The following PDZD7 variants were observed in gnomAD, a reference collection of about 807,000 sequenced individuals.
PDZD7 encodes PDZ domain-containing protein 7.
In PDZD7, 72 loss-of-function variants were observed where a neutral mutation model predicts 84.7. The observed-to-expected ratio is 0.85, with a 90% CI of 0.70 to 1.03. The LOEUF is 1.03. Ranked by LOEUF, PDZD7 falls within the 50% of genes least tolerant of loss-of-function variation. The pLI, the probability that PDZD7 is intolerant of heterozygous loss-of-function variation, is 0.00. For synonymous variants in PDZD7, 594 were observed against 580.7 expected, an observed-to-expected ratio of 1.02 and a Z score of -0.33; for missense variants, 1,490 against 1,412.9, an observed-to-expected ratio of 1.05 and a Z score of -0.87.
rs1391363677 is a variant in PDZD7 at position 101,015,338 on chromosome 10, C to T, written c.1749+298G>A. 3.3e-5 allele frequency among the ~76,000 whole-genome samples: 5 copies of T among 152,336 alleles called. No individual in the cohort carries two copies. The East Asian group carries it at 9.7e-4, about 29-fold the overall frequency. ...TCCTCTAGGAGGGCCTCCCAGCCCACACCATCTAATGTGTGTCTCCTGGGT... is the reference window on the plus strand; with the variant it reads ...TCCTCTAGGAGGGCCTCCCAGCCCATACCATCTAATGTGTGTCTCCTGGGT... On this transcript the variant is annotated intron_variant, in intron 11 of 16. Coordinates refer to ENST00000619208, the MANE Select transcript of PDZD7 (RefSeq NM_001195263.2).
At chr10:101,023,854 G>A in intron 3 of PDZD7, 74 bp downstream of exon 3, 1 of 1,609,522 alleles carries the variant, frequency 6.2e-7, no homozygotes, top group Non-Finnish European at 8.5e-7. Context: ...GTCCCTGACA[G>A]CAGCATCCCC....
At chr10:101,017,371 A>C (rs1041990699) in intron 9 of PDZD7, 3 of 435,732 alleles carry the variant, frequency 6.9e-6, no homozygotes, top group Admixed American at 7.7e-5. Flanking sequence ...AGCTGAGCCA[A>C]GACGTGCTTT....
At position 101,022,382 on chromosome 10, in the gene PDZD7, C is replaced by T. The variant is rs1853167200; in HGVS notation, c.546G>A (p.Val182=). Residue 182 remains valine (V), a synonymous_variant, in exon 5 of 17, where the codon GTG becomes GTA. Coordinates refer to ENST00000619208, the MANE Select transcript of PDZD7 (RefSeq NM_001195263.2). ...IKFSKEKTTW[V]DVVNRRLVVE... is the part of the protein sequence containing the mutation. ...CTACCAGGCGCCGATTCACCACATCCACCCTGGACAACAGCAGGGGGCCCT... is the reference window on the plus strand; with the variant it reads ...CTACCAGGCGCCGATTCACCACATCTACCCTGGACAACAGCAGGGGGCCCT... The T allele has an allele frequency of 1.2e-6, 2 of 1,614,156 alleles. No individual in the cohort carries two copies. The highest frequency in any genetic ancestry group is 1.7e-6 in the Non-Finnish European group (2 of 1,180,034).
At chr10:101,011,265 T>TC in intron 14 of PDZD7, 1 of 394,546 alleles carries the variant, frequency 2.5e-6, no homozygotes, top group South Asian at 3.2e-5. Flanking sequence ...TGGTCTCTAC[T>TC]CCTCACCTCA....
At chr10:101,015,839 G>A in intron 10 of PDZD7, 28 bp from the exon 11 acceptor site, 3 of 1,534,496 alleles carry the variant, frequency 2.0e-6, no homozygotes, top group African/African-American at 2.7e-5. Flanking sequence ...TCAGGGGAGG[G>A]GAGAGGGGCT....
chr10:101,021,046 C>T (rs1297279085), intron 6 of PDZD7, among the ~76,000 whole-genome samples: 1 of 152,182 alleles, frequency 6.6e-6, no homozygotes, highest in Non-Finnish European at 1.5e-5. Flanking sequence ...GCCCCAGTAC[C>T]TGGCACAGTG....
chr10:101,022,322 G>C lies in PDZD7; in HGVS notation c.606C>G (p.Ser202Arg). Residue 202 changes from serine (S) to arginine (R), a missense_variant, in exon 5 of 17, where the codon AGC (serine) becomes AGG (arginine). By Grantham distance (110) the Ser-to-Arg change is moderately radical. Transcript: ENST00000619208. ...EKCGSTPSDT[S>R]SEDGVRRIVH... is the part of the protein sequence containing the mutation. ...CGATGCGCCGGACACCATCTTCTGA[G>C]CTGGTGTCGGAGGGTGTTGAACCGC... The C allele has an allele frequency of 6.2e-7, 1 of 1,614,236 alleles. No homozygotes were observed. Among genetic ancestry groups the C allele is most frequent in the South Asian group, 1.1e-5 (1 of 91,088 alleles).
Position 101,008,609 on chromosome 10 carries a change from G to A in PDZD7, c.2960C>T (p.Ala987Val), listed in dbSNP as rs1236883566. The A allele has an allele frequency of 2.0e-6, 3 of 1,536,146 alleles. No individual in the cohort carries two copies. Among genetic ancestry groups the A allele is most frequent in the Admixed American group, 3.9e-5 (2 of 50,984 alleles). The change falls in exon 17 of 17, where the codon GCC becomes GTC. Residue 987 changes from alanine (A) to valine (V), a missense_variant. Transcript: ENST00000619208. ...HQPLDAAPVP[A>V]HWLPEPPTNP... The stretch of plus-strand genomic sequence containing the variant: ...GGTGGGAGGTTCTGGGAGCCAGTGG[G>A]CAGGAACTGGAGCAGCATCAAGGGG...
intron 7 of PDZD7, 109 bp from the exon 8 acceptor site, chr10:101,019,326 C>A: frequency 1.4e-6 from 2 of 1,417,822 alleles, no homozygotes; most frequent in South Asian, 1.3e-5. Context: ...AGGCAGCAGC[C>A]AGGGTTAGAA....
chr10:101,008,313 G>A lies in PDZD7; in HGVS notation c.*154C>T, dbSNP rs1852284964. On this transcript the variant is annotated 3_prime_UTR_variant, in exon 17 of 17. Coordinates refer to ENST00000619208, the MANE Select transcript of PDZD7 (RefSeq NM_001195263.2). ...AGGCAGAGCCTTAATGACAGCTGAG[G>A]AGGGAAGAAAGTGGAAAGATGTGAG... The A allele has an allele frequency of 8.9e-5, 72 of 806,814 alleles. No individual in the cohort carries two copies. In the South Asian group the frequency reaches 1.3e-3, roughly 14 times the overall value. 50.0% of individuals were successfully genotyped at this position (806,814 alleles called of 1,614,324 possible).
intron 6 of PDZD7, among the ~76,000 whole-genome samples, chr10:101,020,948 G>A (rs1395643131): frequency 6.6e-6 from 1 of 152,136 alleles, no homozygotes. Flanking sequence ...AATTTCCTTA[G>A]AGCATTTGTC....
chr10:101,022,127 C>T, intron 5 of PDZD7, 82 bp downstream of exon 5: 1 of 1,593,470 alleles, frequency 6.3e-7, no homozygotes, highest in South Asian at 1.1e-5. Flanking sequence ...CACTTGCTGA[C>T]CATCCCCACA....
chr10:101,013,851 CTT>C (rs111945530), intron 11 of PDZD7, among the ~76,000 whole-genome samples: 17 of 134,624 alleles, frequency 1.3e-4, no homozygotes, highest in Non-Finnish European at 1.7e-4. Flanking sequence ...TCTTTTCTTT[CTT>C]TTTTTTTTTT....
rs568544289 is a variant in PDZD7, at chr10:101,010,962, T to C, written c.2006-79A>G. 6,926 of 1,529,244 alleles carry C rather than the reference T, an allele frequency of 4.5e-3. 22 individuals carry two copies. Among genetic ancestry groups the C allele is most frequent in the Non-Finnish European group, 5.4e-3 (6,229 of 1,143,592 alleles). The allele number at this position is 1,529,244 out of a possible 1,614,324, so 94.7% of individuals were successfully genotyped here. A position where few individuals can be genotyped will look rare whatever the true frequency, so the allele number is the denominator to read the frequency against. On this transcript the variant is annotated intron_variant, in intron 14 of 16. Coordinates refer to ENST00000619208, the MANE Select transcript of PDZD7 (RefSeq NM_001195263.2). ...GCCTTGCTTTGGTTTGTGTGGGGCC[T>C]GTGAGAGCCAGGCCCGAGTTTGTTC... is the stretch of plus-strand genomic sequence containing the variant.
In PDZD7 at chr10:101,017,786, C is replaced by CAA. The variant is rs370482213; in HGVS notation, c.1522+311_1522+312dup. 4,170 of 315,288 alleles carry CAA rather than the reference C, an allele frequency of 0.013. 10 individuals carry two copies. The highest frequency in any genetic ancestry group is 0.047 in the South Asian group (1,166 of 24,976). 19.5% of individuals were successfully genotyped at this position (315,288 alleles called of 1,614,324 possible). A position where few individuals can be genotyped will look rare whatever the true frequency, so the allele number is the denominator to read the frequency against. Reference sequence around the variant, plus strand: ...GGGCAACAAGAGCAAAACTCCATCTCAAAAAAAAAAAAGAAAGAAAAAGAA... The same window carrying CAA: ...GGGCAACAAGAGCAAAACTCCATCTCAAAAAAAAAAAAAAGAAAGAAAAAGAA... On this transcript the variant is annotated intron_variant, in intron 9 of 16. Transcript: ENST00000619208.
chr10:101,008,647 C>G lies in PDZD7; in HGVS notation c.2922G>C (p.Leu974Phe). The G allele has an allele frequency of 2.0e-6, 3 of 1,535,976 alleles. No individual in the cohort carries two copies. Among genetic ancestry groups the G allele is most frequent in the Non-Finnish European group, 2.6e-6 (3 of 1,146,860 alleles). Residue 974 changes from leucine to phenylalanine, a missense_variant, in exon 17 of 17, where the codon TTG becomes TTC. Leu to Phe is a conservative substitution (Grantham distance 22). Transcript: ENST00000619208. ...CAGCATCAAGGGGTTGGTGGGCAGG[C>G]AAGTGGTCAGCAGGAAGGCCCCCAT... ...LTDGGLPADH[L>F]PAHQPLDAAP...
rs1301327039 is a variant in PDZD7 at position 101,010,870 on chromosome 10, G to A, written c.2019C>T (p.Gly673=). The change falls in exon 15 of 17, where the codon GGC becomes GGT. Residue 673 remains glycine (G), a synonymous_variant. Transcript: ENST00000619208. The stretch of plus-strand genomic sequence containing the variant: ...AGCCGTTCACCGGCAGCAGGTAGAA[G>A]CCTCCGCGGCTGTCTGGGGAAGAGC... The part of the protein sequence containing the change: ...LITPVPDSRG[G]FYLLPVNGFP... 3.9e-6 allele frequency: 6 copies of A among 1,533,898 alleles called. No homozygotes were observed. The highest frequency in any genetic ancestry group is 5.2e-6 in the Non-Finnish European group (6 of 1,146,826).
In PDZD7 at chr10:101,008,774, C is replaced by T. The variant is rs1178415802; in HGVS notation, c.2795G>A (p.Arg932His). 1.4e-5 allele frequency: 22 copies of T among 1,535,368 alleles called. No homozygotes were observed. Among genetic ancestry groups the T allele is most frequent in the Middle Eastern group, 3.3e-4 (2 of 5,988 alleles). ...CCGGGCCTTGTTTCGATAAGCCCGA[C>T]GGATGGTGTCTACTGCACGCTGGTG... is the stretch of plus-strand genomic sequence containing the variant. The part of the protein sequence containing the change: ...VTHQRAVDTI[R>H]RAYRNKAREP... Residue 932 changes from arginine to histidine, a missense_variant, in exon 17 of 17, where the codon CGT (arginine) becomes CAT (histidine). Coordinates refer to ENST00000619208, the MANE Select transcript of PDZD7 (RefSeq NM_001195263.2).
intron 9 of PDZD7, chr10:101,017,891 G>GA (rs66819144): frequency 1.6e-4 from 24 of 151,732 alleles, no homozygotes; most frequent in Non-Finnish European, 2.8e-4. Flanking sequence ...AAGAAAGAAA[G>GA]AAAAGAAAGA....
Sources: allele counts gnomAD v4.1 joint callset (sites outside exome capture counted in the v4.1 genomes callset), GRCh38; gene constraint gnomAD v4.1.1; transcripts MANE v1.5; gene names NCBI Gene and HGNC (gene_info 2026-07-23, HGNC 2026-07-21).